ELF1: variants seen among roughly 807,000 people sequenced by gnomAD.
ELF1 encodes the protein E74 like ETS transcription factor 1.
In ELF1, 24 loss-of-function variants were observed where a neutral mutation model predicts 59.9. The ratio of observed to expected loss-of-function variants is 0.40; its 90% CI spans 0.29 to 0.56. The LOEUF (loss-of-function observed/expected upper bound fraction) is 0.56, where lower values mean the gene tolerates loss of function less well. Ranked by LOEUF, ELF1 falls within the 20% of genes least tolerant of loss-of-function variation. The probability of loss-of-function intolerance (pLI) is 0.44; values close to 1 mark genes in which losing one functional copy is unlikely to be tolerated. For missense variants in ELF1, 627 were observed against 742.2 expected, an observed-to-expected ratio of 0.84 and a Z score of 1.80; for synonymous variants, 248 against 266.2, an observed-to-expected ratio of 0.93 and a Z score of 0.67.
rs2138310141 is a variant in ELF1, at chr13:40,993,161, A to AGT, written c.-228-10881_-228-10880dup. 2.6e-6 allele frequency: 4 copies of AGT among 1,517,064 alleles called. No homozygotes were observed. The South Asian group carries it at 3.4e-5, about 13-fold the overall frequency. The allele number at this position is 1,517,064 out of a possible 1,614,324, so 94.0% of individuals were successfully genotyped here. On this transcript the variant is annotated intron_variant, in intron 1 of 8. Transcript: ENST00000239882. ...GGACCTGGATACTCTCCATTTTTGT[A>AGT]GTGTGTGTGGTTCTTCCTGCATTTT...
At chr13:40,934,813 A>G (rs933122994) in intron 8 of ELF1, among the ~76,000 whole-genome samples, 1 of 152,202 alleles carries the variant, frequency 6.6e-6, no homozygotes, top group African/African-American at 2.4e-5. Flanking sequence ...GTTTTTACAT[A>G]TAAAGGGAGA....
intron 8 of ELF1, among the ~76,000 whole-genome samples, chr13:40,936,469 C>T (rs1869777505): frequency 1.3e-5 from 2 of 152,068 alleles, no homozygotes; most frequent in Non-Finnish European, 1.5e-5. Context: ...ATGTCCTTTT[C>T]TTGGCCGGGC....
intron 1 of ELF1, among the ~76,000 whole-genome samples, chr13:41,048,301 A>C (rs1876946063): frequency 6.6e-6 from 1 of 152,220 alleles, no homozygotes; most frequent in Non-Finnish European, 1.5e-5. Flanking sequence ...ACTGTCCGAC[A>C]AGCCCCAGTG....
At chr13:41,031,059 T>C (rs1876139444) in intron 1 of ELF1, among the ~76,000 whole-genome samples, 1 of 150,768 alleles carries the variant, frequency 6.6e-6, no homozygotes, top group Non-Finnish European at 1.5e-5. Flanking sequence ...GCTACTCAAG[T>C]GGCTAAGGTG....
At chr13:40,982,724 A>G (rs1873350298) in intron 1 of ELF1, 1 of 327,654 alleles carries the variant, frequency 3.1e-6, no homozygotes, top group Non-Finnish European at 4.4e-6. Flanking sequence ...GGATTTATAT[A>G]AGGATTTAAA....
At chr13:40,936,090 C>T (rs1011336934) in intron 8 of ELF1, among the ~76,000 whole-genome samples, 6 of 152,120 alleles carry the variant, frequency 3.9e-5, no homozygotes, top group African/African-American at 1.2e-4. Flanking sequence ...CCTTGCCACC[C>T]TACAAATATT....
intron 1 of ELF1, among the ~76,000 whole-genome samples, chr13:40,988,594 T>C (rs1195357813): frequency 6.6e-6 from 1 of 152,194 alleles, no homozygotes; most frequent in East Asian, 1.9e-4. Flanking sequence ...GCAGAGGGTT[T>C]GTAGATTTCC....
intron 5 of ELF1, among the ~76,000 whole-genome samples, chr13:40,947,139 A>G (rs1275536018): frequency 5.3e-5 from 8 of 151,944 alleles, no homozygotes; most frequent in Admixed American, 5.2e-4. Context: ...AAAAAAAAAA[A>G]GATACACAAA....
chr13:41,050,934 C>G (rs1314616789), intron 1 of ELF1, among the ~76,000 whole-genome samples: 1 of 152,146 alleles, frequency 6.6e-6, no homozygotes, highest in Non-Finnish European at 1.5e-5. Flanking sequence ...AATTCTTGTA[C>G]AAGAGTTTCA....
At chr13:41,000,636 A>C (rs1566185492) in intron 1 of ELF1, among the ~76,000 whole-genome samples, 1 of 152,210 alleles carries the variant, frequency 6.6e-6, no homozygotes, top group Non-Finnish European at 1.5e-5. Context: ...AGATTTAAAA[A>C]AATACTTTAC....
intron 3 of ELF1, among the ~76,000 whole-genome samples, chr13:40,954,436 CGG>C (rs111340444): frequency 1.0e-3 from 151 of 146,720 alleles, no homozygotes; most frequent in Non-Finnish European, 1.5e-3. Flanking sequence ...CCTCTCCCCA[CGG>C]TCTCCCTCTC....
intron 8 of ELF1, among the ~76,000 whole-genome samples, chr13:40,936,468 T>C (rs1389455478): frequency 6.6e-6 from 1 of 152,162 alleles, no homozygotes; most frequent in African/African-American, 2.4e-5. Context: ...GATGTCCTTT[T>C]CTTGGCCGGG....
At chr13:41,010,747 G>C (rs552877219) in intron 1 of ELF1, among the ~76,000 whole-genome samples, 101 of 152,080 alleles carry the variant, frequency 6.6e-4, no homozygotes, top group African/African-American at 2.3e-3. Flanking sequence ...AGATCAAAAG[G>C]TATATAATAA....
chr13:40,981,848 CTCCAAATATTTCATCTATAAATT>C, intron 2 of ELF1, 112 bp downstream of exon 2: 1 of 995,610 alleles, frequency 1.0e-6, no homozygotes, highest in Admixed American at 3.1e-5. Context: ...ATAATATTTC[CTCCAAATATTTCATCTATAAATT>C]TTTACTTTCA....
rs144582415 is a variant in ELF1 at position 40,986,726 on chromosome 13, A to G, written c.-228-4444T>C. Among the ~76,000 whole-genome samples the G allele has an allele frequency of 3.8e-4, 58 of 152,252 alleles. 2 individuals are homozygous for G. The East Asian group carries it at 9.9e-3, about 26-fold the overall frequency. On this transcript the variant is annotated intron_variant, in intron 1 of 8. Transcript: ENST00000239882. ...CAAAATGACTTCACTGATGGTAAAC[A>G]CAAAACCCTCAGCCACACTACTAGC...
upstream of ELF1, among the ~76,000 whole-genome samples, chr13:41,019,635 T>C (rs1875609681): frequency 6.6e-6 from 1 of 151,356 alleles, no homozygotes; most frequent in South Asian, 2.1e-4. Context: ...GTTGCTTTAC[T>C]ATATCAAATA....
In ELF1 at chr13:40,949,918, A is replaced by G. The variant is rs1870746033; in HGVS notation, c.417T>C (p.His139=). ...EDDMVVAPVT[H]VSVTLDGIPE... ...GAATCCCATCTAATGTGACGGACAC[A>G]TGGGTGACTGGGGCAACAACCATGT... Residue 139 remains histidine (H), a synonymous_variant, in exon 5 of 9, where the codon CAT becomes CAC. Coordinates refer to ENST00000239882, the MANE Select transcript of ELF1 (RefSeq NM_172373.4). 4.3e-6 allele frequency: 7 copies of G among 1,614,072 alleles called. No homozygotes were observed. Among genetic ancestry groups the G allele is most frequent in the African/African-American group, 2.7e-5 (2 of 75,050 alleles).
chr13:40,966,807 A>G (rs1872199944), intron 2 of ELF1, among the ~76,000 whole-genome samples: 1 of 152,238 alleles, frequency 6.6e-6, no homozygotes, highest in Non-Finnish European at 1.5e-5. Context: ...AAAATGAAAT[A>G]CCTACAAAAT....
intron 2 of ELF1, among the ~76,000 whole-genome samples, chr13:40,981,611 A>C (rs1873274976): frequency 6.6e-6 from 1 of 151,280 alleles, no homozygotes; most frequent in African/African-American, 2.4e-5. Flanking sequence ...CATCTACTTG[A>C]AGAAGTAGCC....
Sources: gnomAD v4.1 joint callset for allele counts (sites outside exome capture counted in the v4.1 genomes callset) on GRCh38, gnomAD v4.1.1 for gene constraint, MANE v1.5 for transcripts, NCBI Gene and HGNC (gene_info 2026-07-23, HGNC 2026-07-21) for gene names.